PRDM10: variants seen among roughly 807,000 people sequenced by gnomAD.
PRDM10 encodes PR/SET domain 10.
In PRDM10, 65 loss-of-function variants were observed where a neutral mutation model predicts 133.1. The observed-to-expected ratio is 0.49, with a 90% CI of 0.40 to 0.60. PRDM10 has a LOEUF of 0.60. PRDM10 is among the 20% of genes least tolerant of loss of function. The pLI is 0.00. For missense variants in PRDM10, 1,137 were observed against 1,507.1 expected (o/e 0.75, Z 4.07); for synonymous variants, 582 against 580.4 (o/e 1.00, Z -0.04).
Position 129,935,166 on chromosome 11 carries a change from A to G in PRDM10, c.1092T>C (p.Phe364=). The stretch of plus-strand genomic sequence containing the variant: ...GCTGTTGCAACTGCTCCGAGCTTAT[A>G]AATCGGCGGTTACATTCATAGCAGG... The part of the protein sequence containing the change: ...NWPCYECNRR[F]ISSEQLQQHL... The change falls in exon 9 of 21, where the codon TTT becomes TTC. Residue 364 remains phenylalanine (F), a synonymous_variant. Coordinates refer to ENST00000360871, the MANE Select transcript of PRDM10 (RefSeq NM_199437.2). 6.2e-7 allele frequency: 1 copy of G among 1,614,114 alleles called. No homozygotes were observed. The highest frequency in any genetic ancestry group is 8.5e-7 in the Non-Finnish European group (1 of 1,179,972).
rs1177158136 is a variant in PRDM10, at chr11:129,947,369, G to A, written c.296C>T (p.Ala99Val). Residue 99 changes from alanine (A) to valine (V), a missense_variant and splice_region_variant, in exon 5 of 21, where the codon GCC becomes GTC. Physicochemically the swap from Ala to Val is moderately conservative, Grantham distance 64. Transcript: ENST00000360871. This position sits in a 1 kb window ranked among gnomAD's most constrained non-coding sequence, Gnocchi z 4.6. ...CACCTGGTTATGAACTGGCAATGAG[G>A]CCTGGGCAAAAGTTGAAGGCACAGA... ...YVQQDATAQQ[A>V]SLPVHNQVLP... 1 of 1,614,188 alleles carries A rather than the reference G, an allele frequency of 6.2e-7. No homozygotes were observed. The highest frequency in any genetic ancestry group is 8.5e-7 in the Non-Finnish European group (1 of 1,180,030).
chr11:129,965,045 C>T (rs1951876729), intron 1 of PRDM10, among the ~76,000 whole-genome samples: 1 of 152,186 alleles, frequency 6.6e-6, no homozygotes, highest in Non-Finnish European at 1.5e-5. Context: ...GTGGCTCACG[C>T]CTGTAATCCC....
chr11:129,942,408 G>T lies in PRDM10; in HGVS notation c.966+18C>A. 1.2e-6 allele frequency: 2 copies of T among 1,607,526 alleles called. No individual in the cohort carries two copies. Among genetic ancestry groups the T allele is most frequent in the Non-Finnish European group, 1.7e-6 (2 of 1,175,024 alleles). On this transcript the variant is annotated intron_variant, in intron 7 of 20. Transcript: ENST00000360871. The stretch of plus-strand genomic sequence containing the variant: ...ACTCTTGCTAGCAAATAGCAGCACG[G>T]GTCAGGCAGCACTGTACCTTCAGTT...
In PRDM10 at chr11:129,942,613, C is replaced by T; in HGVS notation, c.779G>A (p.Gly260Glu). 6.2e-7 allele frequency: 1 copy of T among 1,613,314 alleles called. No homozygotes were observed. Among genetic ancestry groups the T allele is most frequent in the Non-Finnish European group, 8.5e-7 (1 of 1,179,750 alleles). ...YIHLKVSLDK[G>E]DRKERDLHED... Reference sequence around the variant, plus strand: ...ATGTAAATCCCTTTCTTTCCTGTCCCCTTTATCAAGAGAAACCTGCACGAA... The same window carrying T: ...ATGTAAATCCCTTTCTTTCCTGTCCTCTTTATCAAGAGAAACCTGCACGAA... Residue 260 changes from glycine to glutamate, a missense_variant, in exon 7 of 21, where the codon GGG (glycine) becomes GAG (glutamate). Coordinates refer to ENST00000360871, the MANE Select transcript of PRDM10 (RefSeq NM_199437.2).
At chr11:129,974,246 A>C (rs1230745216) in intron 1 of PRDM10, among the ~76,000 whole-genome samples, 2 of 152,244 alleles carry the variant, frequency 1.3e-5, no homozygotes, top group Non-Finnish European at 2.9e-5. Context: ...AGAAATAATG[A>C]CCAGGGTCAT....
rs773554053 is a variant in PRDM10, at chr11:129,910,491, A to C, written c.3148T>G (p.Ser1050Ala). 1 of 1,614,138 alleles carries C rather than the reference A, an allele frequency of 6.2e-7. No homozygotes were observed. Among genetic ancestry groups the C allele is most frequent in the South Asian group, 1.1e-5 (1 of 91,084 alleles). Residue 1050 changes from serine (S) to alanine (A), a missense_variant, in exon 19 of 21, where the codon TCC (serine) becomes GCC (alanine). Transcript: ENST00000360871. Reference protein sequence around the residue: ...QHTYLPSAWNSFRGYSSEIQM... With the variant: ...QHTYLPSAWNAFRGYSSEIQM... Reference sequence around the variant, plus strand: ...TCTTACTTACAATAGCCACGGAAGGAATTCCAAGCACTGGGCAGGTACGTG... The same window carrying C: ...TCTTACTTACAATAGCCACGGAAGGCATTCCAAGCACTGGGCAGGTACGTG...
intron 13 of PRDM10, among the ~76,000 whole-genome samples, chr11:129,921,380 C>T (rs1950518776): frequency 6.6e-6 from 1 of 152,132 alleles, no homozygotes; most frequent in Non-Finnish European, 1.5e-5. Context: ...AGAGCAAGTG[C>T]AAAGGCCCAA....
intron 1 of PRDM10, among the ~76,000 whole-genome samples, chr11:129,961,407 C>T (rs1027643557): frequency 6.6e-6 from 1 of 151,968 alleles, no homozygotes; most frequent in African/African-American, 2.4e-5. Flanking sequence ...TAGGTTTAAG[C>T]GATTCTCCTG....
intron 13 of PRDM10, among the ~76,000 whole-genome samples, chr11:129,919,058 CA>C (rs1189594994): frequency 2.0e-5 from 3 of 152,154 alleles, no homozygotes; most frequent in Non-Finnish European, 4.4e-5. Flanking sequence ...AAATTGATAA[CA>C]GGTAATATTA....
At chr11:129,903,336 T>TAATAATAATAATAAA (rs1184143562) in intron 20 of PRDM10, among the ~76,000 whole-genome samples, 4 of 137,094 alleles carry the variant, frequency 2.9e-5, no homozygotes, top group African/African-American at 5.7e-5. Flanking sequence ...ATAATAATAA[T>TAATAATAATAATAAA]AATAAATGGT....
rs1401230189 is a variant in PRDM10, at chr11:129,900,890, T to A, written c.*1423A>T. Reference sequence around the variant, plus strand: ...AATAAAGTTCTTTTAACAGAATTGTTCACTTTTCAGAAAATTGTCTTTATC... The same window carrying A: ...AATAAAGTTCTTTTAACAGAATTGTACACTTTTCAGAAAATTGTCTTTATC... On this transcript the variant is annotated 3_prime_UTR_variant, in exon 21 of 21. Coordinates refer to ENST00000360871, the MANE Select transcript of PRDM10 (RefSeq NM_199437.2). 6.6e-6 allele frequency: 1 copy of A among 152,654 alleles called. No homozygotes were observed. Among genetic ancestry groups the A allele is most frequent in the Non-Finnish European group, 1.5e-5 (1 of 68,044 alleles). The allele number at this position is 152,654 out of a possible 1,614,324, so 9.5% of individuals were successfully genotyped here.
chr11:129,990,985 C>T (rs1938713093), intron 1 of PRDM10, among the ~76,000 whole-genome samples: 1 of 152,160 alleles, frequency 6.6e-6, no homozygotes, highest in African/African-American at 2.4e-5. Context: ...CTTAATAAAA[C>T]CACCACCGTA....
intron 1 of PRDM10, among the ~76,000 whole-genome samples, chr11:129,989,107 A>G (rs891277641): frequency 5.9e-5 from 9 of 152,186 alleles, no homozygotes; most frequent in Non-Finnish European, 1.0e-4. Context: ...CCCACACTTC[A>G]TGAACTGGTT....
At chr11:129,988,690 T>C (rs879928141) in intron 1 of PRDM10, among the ~76,000 whole-genome samples, 14 of 151,928 alleles carry the variant, frequency 9.2e-5, no homozygotes, top group South Asian at 4.2e-4. Context: ...AGTGCAGTGG[T>C]GCAATCTCGG....
At chr11:129,912,587 T>A (rs921278520) in intron 17 of PRDM10, among the ~76,000 whole-genome samples, 4 of 150,974 alleles carry the variant, frequency 2.6e-5, no homozygotes, top group African/African-American at 9.8e-5. Flanking sequence ...CCGTCTCTAC[T>A]GAAAATACAA....
chr11:129,936,204 T>C (rs1951023952), intron 8 of PRDM10, among the ~76,000 whole-genome samples: 1 of 152,196 alleles, frequency 6.6e-6, no homozygotes, highest in Non-Finnish European at 1.5e-5. Flanking sequence ...TGGTATGTCC[T>C]GAGGACATTT....
intron 1 of PRDM10, among the ~76,000 whole-genome samples, chr11:129,995,951 C>CAAAAG (rs71473899): frequency 1.1e-4 from 16 of 149,234 alleles, no homozygotes; most frequent in Non-Finnish European, 1.8e-4. Context: ...GTCTCAAAAA[C>CAAAAG]AAAAGAAAAG....
At chr11:129,916,302 A>T (rs1713691818) in intron 15 of PRDM10, among the ~76,000 whole-genome samples, 1 of 152,222 alleles carries the variant, frequency 6.6e-6, no homozygotes, top group Non-Finnish European at 1.5e-5. Flanking sequence ...TATAGTGGGG[A>T]ATCTATGTTA....
chr11:129,905,810 T>C (rs1462056571), intron 19 of PRDM10, 69 bp from the exon 20 acceptor site: 12 of 1,321,764 alleles, frequency 9.1e-6, no homozygotes, highest in Non-Finnish European at 1.3e-5. Flanking sequence ...AACAAAAACA[T>C]AACCAGTAGC....
Sources: gnomAD v4.1 joint callset for allele counts (sites outside exome capture counted in the v4.1 genomes callset) on GRCh38, gnomAD v4.1.1 for gene constraint, Gnocchi (gnomAD v3.1) non-coding constraint, MANE v1.5 for transcripts, NCBI Gene and HGNC (gene_info 2026-07-23, HGNC 2026-07-21) for gene names.